The following KLHL7 variants were observed in gnomAD, a reference collection of about 807,000 sequenced individuals.
KLHL7 encodes kelch like family member 7.
A neutral mutation model predicts 67.4 loss-of-function variants in KLHL7; 44 were observed. That is an observed-to-expected ratio of 0.65 (90% CI 0.51 to 0.84). KLHL7 has a LOEUF of 0.84. KLHL7 is among the 40% of genes least tolerant of loss of function. The pLI, the probability that KLHL7 is intolerant of heterozygous loss-of-function variation, is 0.00. For synonymous variants in KLHL7, 252 were observed against 243.3 expected (o/e 1.04, Z -0.33); for missense variants, 362 against 718.1 (o/e 0.50, Z 5.67).
chr7:23,109,685 A>G (rs911133102), intron 1 of KLHL7, among the ~76,000 whole-genome samples: 3 of 152,210 alleles, frequency 2.0e-5, no homozygotes, highest in African/African-American at 7.2e-5. Flanking sequence ...ACATGTCATT[A>G]TCTTTAGGTT....
intron 1 of KLHL7, among the ~76,000 whole-genome samples, chr7:23,108,774 T>C (rs969864143): frequency 8.5e-5 from 13 of 152,266 alleles, no homozygotes; most frequent in African/African-American, 2.7e-4. Context: ...TTTGAACTTA[T>C]ATAAATGTAA....
chr7:23,108,721 T>C (rs1050201551), intron 1 of KLHL7, among the ~76,000 whole-genome samples: 5 of 152,252 alleles, frequency 3.3e-5, no homozygotes, highest in Non-Finnish European at 5.9e-5. Context: ...GGTGCATTCA[T>C]GAAAGTCTGC....
chr7:23,170,091 G>A (rs1583737084), intron 9 of KLHL7, among the ~76,000 whole-genome samples: 1 of 152,208 alleles, frequency 6.6e-6, no homozygotes, highest in African/African-American at 2.4e-5. Context: ...GCGCGTGCCT[G>A]TAATCCCAGC....
chr7:23,141,015 G>C, intron 5 of KLHL7, 71 bp downstream of exon 5: 2 of 1,229,388 alleles, frequency 1.6e-6, no homozygotes, highest in Non-Finnish European at 2.4e-6. Flanking sequence ...CTCATGTTTG[G>C]ACACATGACA....
At position 23,152,058 on chromosome 7, in the gene KLHL7, T is replaced by C; in HGVS notation, c.794-9T>C. ...AGTTCTTGAAGCGTTGCCATGTATT[T>C]TACTACAGGTGGAATGAGGTACCAT... On this transcript the variant is annotated splice_polypyrimidine_tract_variant and intron_variant, in intron 6 of 10. Coordinates refer to ENST00000339077, the MANE Select transcript of KLHL7 (RefSeq NM_001031710.3). The C allele has an allele frequency of 6.2e-7, 1 of 1,613,738 alleles. No homozygotes were observed. The highest frequency in any genetic ancestry group is 8.5e-7 in the Non-Finnish European group (1 of 1,179,706).
chr7:23,168,823 A>T (rs1256481473), intron 9 of KLHL7, among the ~76,000 whole-genome samples: 1 of 152,248 alleles, frequency 6.6e-6, no homozygotes, highest in Non-Finnish European at 1.5e-5. Flanking sequence ...CCTTACTAGA[A>T]CAAGTTACTG....
intron 6 of KLHL7, among the ~76,000 whole-genome samples, chr7:23,151,671 G>A (rs772629254): frequency 6.6e-6 from 1 of 152,142 alleles, no homozygotes; most frequent in Non-Finnish European, 1.5e-5. Context: ...TATTTAATTA[G>A]TCTGTGGTAG....
Position 23,175,571 on chromosome 7 carries a change from A to G in KLHL7, c.*1273A>G, listed in dbSNP as rs1448462374. Reference sequence around the variant, plus strand: ...GTTTAAATCAAAAAGGAATTAGGAAAAACATAATGATAGGTATATTTCTAT... The same window carrying G: ...GTTTAAATCAAAAAGGAATTAGGAAGAACATAATGATAGGTATATTTCTAT... On this transcript the variant is annotated 3_prime_UTR_variant, in exon 11 of 11. Coordinates refer to ENST00000339077, the MANE Select transcript of KLHL7 (RefSeq NM_001031710.3). The G allele has an allele frequency of 3.1e-6, 1 of 325,572 alleles. No individual in the cohort carries two copies. Among genetic ancestry groups the G allele is most frequent in the Non-Finnish European group, 5.9e-6 (1 of 169,726 alleles). The allele number at this position is 325,572 out of a possible 1,614,324, so 20.2% of individuals were successfully genotyped here. A position where few individuals can be genotyped will look rare whatever the true frequency, so the allele number is the denominator to read the frequency against.
chr7:23,125,565 G>T (rs1783537030), intron 4 of KLHL7, among the ~76,000 whole-genome samples: 1 of 152,124 alleles, frequency 6.6e-6, no homozygotes, highest in Non-Finnish European at 1.5e-5. Context: ...AGGTCACATA[G>T]CTAGTGTATG....
At chr7:23,140,974 TAATAAA>T in intron 5 of KLHL7, 30 bp downstream of exon 5, 1 of 1,581,894 alleles carries the variant, frequency 6.3e-7, no homozygotes, top group East Asian at 2.2e-5. Context: ...ACATTTTTCT[TAATAAA>T]AATGTCTTTA....
At chr7:23,154,662 T>C (rs1397387222) in intron 7 of KLHL7, among the ~76,000 whole-genome samples, 1 of 152,224 alleles carries the variant, frequency 6.6e-6, no homozygotes, top group Non-Finnish European at 1.5e-5. Flanking sequence ...GCTTAGATTA[T>C]GGCATAGAGC....
At chr7:23,135,967 G>A (rs1783961466) in intron 4 of KLHL7, among the ~76,000 whole-genome samples, 1 of 152,182 alleles carries the variant, frequency 6.6e-6, no homozygotes, top group South Asian at 2.1e-4. Context: ...GCTATAGCCT[G>A]TGGAACATTA....
intron 4 of KLHL7, 30 bp from the exon 5 acceptor site, chr7:23,140,739 T>C: frequency 6.2e-7 from 1 of 1,601,034 alleles, no homozygotes; most frequent in East Asian, 2.2e-5. Context: ...AAAATGATTT[T>C]CTATTCTTTT....
At chr7:23,167,646 AG>A (rs1785037257) in intron 8 of KLHL7, among the ~76,000 whole-genome samples, 189 bp from the exon 9 acceptor site, 2 of 152,348 alleles carry the variant, frequency 1.3e-5, no homozygotes, top group South Asian at 4.1e-4. Flanking sequence ...GATGTTTTCC[AG>A]GGTCTATACA....
chr7:23,132,395 C>T (rs940781020), intron 4 of KLHL7, among the ~76,000 whole-genome samples: 1 of 152,198 alleles, frequency 6.6e-6, no homozygotes, highest in Non-Finnish European at 1.5e-5. Context: ...TTGCATTTCT[C>T]TGATGATCAA....
intron 4 of KLHL7, among the ~76,000 whole-genome samples, chr7:23,132,017 G>A (rs1783821142): frequency 6.6e-6 from 1 of 152,048 alleles, no homozygotes; most frequent in South Asian, 2.1e-4. Flanking sequence ...GTACTCCATT[G>A]TGTATATATA....
intron 8 of KLHL7, among the ~76,000 whole-genome samples, chr7:23,167,343 G>A (rs906080875): frequency 1.3e-5 from 2 of 152,082 alleles, no homozygotes; most frequent in Non-Finnish European, 2.9e-5. Flanking sequence ...CACTAACTGA[G>A]AATAGTTAGG....
intron 6 of KLHL7, among the ~76,000 whole-genome samples, chr7:23,149,668 G>A (rs1784470558): frequency 2.0e-5 from 3 of 152,208 alleles, no homozygotes; most frequent in South Asian, 4.1e-4. Context: ...GCAGACTTGA[G>A]CTAATGTGAT....
At chr7:23,171,172 TG>T in intron 9 of KLHL7, 1 of 364,610 alleles carries the variant, frequency 2.7e-6, no homozygotes, top group South Asian at 2.1e-5. Context: ...CCCAAAGTGC[TG>T]GGATTACAGG....
Sources: gnomAD v4.1 joint callset for allele counts (sites outside exome capture counted in the v4.1 genomes callset) on GRCh38, gnomAD v4.1.1 for gene constraint, MANE v1.5 for transcripts, NCBI Gene and HGNC (gene_info 2026-07-23, HGNC 2026-07-21) for gene names.